The following DCLK2 variants were observed in gnomAD, a reference collection of about 807,000 sequenced individuals.
DCLK2 encodes doublecortin like kinase 2, also known as serine/threonine-protein kinase DCLK2.
In DCLK2, 31 loss-of-function variants were observed where a neutral mutation model predicts 78.4. The observed-to-expected ratio is 0.40, with a 90% CI of 0.30 to 0.53. The LOEUF (loss-of-function observed/expected upper bound fraction) is 0.53, where lower values mean the gene tolerates loss of function less well. DCLK2 is among the 20% of genes least tolerant of loss of function. The probability of loss-of-function intolerance (pLI) is 0.61; values close to 1 mark genes in which losing one functional copy is unlikely to be tolerated. For missense variants in DCLK2, 872 were observed against 973.7 expected, an observed-to-expected ratio of 0.90 and a Z score of 1.39; for synonymous variants, 407 against 374.9, an observed-to-expected ratio of 1.09 and a Z score of -0.99.
Position 150,206,888 on chromosome 4 carries a change from G to T in DCLK2, c.1056+2999G>T, listed in dbSNP as rs558620780. On this transcript the variant is annotated intron_variant, in intron 5 of 15. Transcript: ENST00000296550. ...GATGAAAACCTTCTTTTTAAATAAT[G>T]CAATTTAGTCAGGTTACTTTACTGT... Among the ~76,000 whole-genome samples the T allele has an allele frequency of 3.9e-5, 6 of 152,124 alleles. No homozygotes were observed. The South Asian group carries it at 1.0e-3, about 26-fold the overall frequency.
chr4:150,256,399 G>A lies in DCLK2; in HGVS notation c.*152G>A, dbSNP rs1301524534. The A allele has an allele frequency of 1.8e-6, 2 of 1,084,318 alleles. No homozygotes were observed. The highest frequency in any genetic ancestry group is 2.5e-6 in the Non-Finnish European group (2 of 786,118). 67.2% of individuals were successfully genotyped at this position (1,084,318 alleles called of 1,614,324 possible). A position where few individuals can be genotyped will look rare whatever the true frequency, so the allele number is the denominator to read the frequency against. On this transcript the variant is annotated 3_prime_UTR_variant, in exon 16 of 16. Coordinates refer to ENST00000296550, the MANE Select transcript of DCLK2 (RefSeq NM_001040260.4). ...GCAGGCCGCCTGGGAACCGGAGCCT[G>A]GCGTGCCGGAGCCTGGCCTGGTGCT...
At chr4:150,169,818 T>C (rs1736380461) in intron 2 of DCLK2, among the ~76,000 whole-genome samples, 1 of 152,214 alleles carries the variant, frequency 6.6e-6, no homozygotes, top group Non-Finnish European at 1.5e-5. Context: ...TGGCCTGTGA[T>C]TGACAGACAG....
intron 2 of DCLK2, among the ~76,000 whole-genome samples, chr4:150,168,571 C>T (rs1369220418): frequency 1.3e-5 from 2 of 152,238 alleles, no homozygotes; most frequent in South Asian, 2.1e-4. Context: ...TTGCTGCAGA[C>T]GCATGTGGAT....
At chr4:150,154,088 C>T (rs954215290) in intron 2 of DCLK2, among the ~76,000 whole-genome samples, 4 of 152,134 alleles carry the variant, frequency 2.6e-5, no homozygotes, top group South Asian at 2.1e-4. Flanking sequence ...GATGGTTCCC[C>T]GATGAAAAAG....
rs113299814 is a variant in DCLK2, at chr4:150,249,666, C to T, written c.2055C>T (p.Thr685=). Residue 685 remains threonine, a synonymous_variant, in exon 15 of 16, where the codon ACC becomes ACT. Coordinates refer to ENST00000296550, the MANE Select transcript of DCLK2 (RefSeq NM_001040260.4). ...TCCCCAAACAGAACAGCACTACCAC[C>T]GGGGTCTCCGTCATCATGGTGAGTG... ...NALPKQNSTT[T]GVSVIMNTAL... The T allele has an allele frequency of 1.5e-4, 237 of 1,613,382 alleles. No homozygotes were observed. Among genetic ancestry groups the T allele is most frequent in the Non-Finnish European group, 1.9e-4 (222 of 1,179,882 alleles).
rs1580622624 is a variant in DCLK2 at position 150,161,334 on chromosome 4, A to G, written c.757-31804A>G. Among the ~76,000 whole-genome samples, 8 of 152,312 alleles carry G rather than the reference A, an allele frequency of 5.3e-5. 2 individuals carry two copies. Among genetic ancestry groups the G allele is most frequent in the Admixed American group, 6.5e-5 (1 of 15,298 alleles). ...TTAGAAAAATAAATGGATACTGGTG[A>G]ATCAGACACCTGCAGAGCTACTTGA... On this transcript the variant is annotated intron_variant, in intron 2 of 15. Transcript: ENST00000296550.
rs1553967944 is a variant in DCLK2 at position 150,198,917 on chromosome 4, C to CT, written c.961+814_961+815insT. On this transcript the variant is annotated intron_variant, in intron 4 of 15. Coordinates refer to ENST00000296550, the MANE Select transcript of DCLK2 (RefSeq NM_001040260.4). ...GCCCTTTCCCCTTTCAGCACCCCCC[C>CT]CCCCACTTTCTGTAGGGCAGGTCGT... is the stretch of plus-strand genomic sequence containing the variant. The CT allele has an allele frequency of 2.4e-5, 14 of 592,296 alleles. 3 individuals are homozygous for CT. The highest frequency in any genetic ancestry group is 3.7e-5 in the Non-Finnish European group (13 of 347,730). 36.7% of individuals were successfully genotyped at this position (592,296 alleles called of 1,614,324 possible). A position where few individuals can be genotyped will look rare whatever the true frequency, so the allele number is the denominator to read the frequency against.
chr4:150,232,403 G>T lies in DCLK2; in HGVS notation c.1366G>T (p.Val456Phe). The T allele has an allele frequency of 1.2e-6, 2 of 1,614,130 alleles. No individual in the cohort carries two copies. The highest frequency in any genetic ancestry group is 1.3e-5 in the African/African-American group (1 of 75,056). ...RVKHPNIIML[V>F]EEMETATELF... ...GAAACATCCCAATATCATTATGCTG[G>T]TCGAGGAGATGGAAACAGCAACTGA... The change falls in exon 9 of 16, where the codon GTC becomes TTC. Residue 456 changes from valine to phenylalanine, a missense_variant. Physicochemically the swap from Val to Phe is conservative, Grantham distance 50 (BLOSUM62 -1). Around this residue, in one of 3 missense-constraint regions of DCLK2, gnomAD observed 567 missense variants for 593.4 expected, o/e 0.96. Coordinates refer to ENST00000296550, the MANE Select transcript of DCLK2 (RefSeq NM_001040260.4).
intron 2 of DCLK2, among the ~76,000 whole-genome samples, chr4:150,136,886 G>C (rs192383722): frequency 4.0e-5 from 6 of 151,584 alleles, no homozygotes; most frequent in African/African-American, 1.2e-4. Flanking sequence ...TGCTGGTGTT[G>C]TGAAGTTGTG....
chr4:150,132,492 G>T (rs1733387337), intron 2 of DCLK2, among the ~76,000 whole-genome samples: 1 of 152,202 alleles, frequency 6.6e-6, no homozygotes, highest in Non-Finnish European at 1.5e-5. Context: ...CACTATTCAT[G>T]GTAGTTGTGT....
chr4:150,105,072 A>G (rs570988700), intron 2 of DCLK2, among the ~76,000 whole-genome samples: 4 of 152,308 alleles, frequency 2.6e-5, no homozygotes, highest in African/African-American at 9.6e-5. Context: ...GCTACCAGAT[A>G]CTAAATCATC....
chr4:150,091,767 T>TTGTG lies in DCLK2; in HGVS notation c.422-10710_422-10709insGTGT, dbSNP rs777556852. 9.6e-3 allele frequency among the ~76,000 whole-genome samples: 1,285 copies of TTGTG among 133,712 alleles called. 17 individuals carry two copies. Among genetic ancestry groups the TTGTG allele is most frequent in the African/African-American group, 0.033 (1,175 of 35,596 alleles). The allele number at this position is 133,712 out of a possible 152,430, so 87.7% of individuals were successfully genotyped here. ...TAGTTCTTTGTCCTAAAAGGAACAT[T>TTGTG]TATGTGTGTGTGTGTGTGTGTGTGT... On this transcript the variant is annotated intron_variant, in intron 1 of 15. Coordinates refer to ENST00000296550, the MANE Select transcript of DCLK2 (RefSeq NM_001040260.4).
chr4:150,187,918 A>G (rs1412615747), intron 2 of DCLK2, among the ~76,000 whole-genome samples: 1 of 150,186 alleles, frequency 6.7e-6, no homozygotes, highest in Non-Finnish European at 1.5e-5. Flanking sequence ...CCCCTGCTTC[A>G]GCCTCCCGAG....
chr4:150,110,134 A>G (rs1487827303), intron 2 of DCLK2, among the ~76,000 whole-genome samples: 1 of 152,188 alleles, frequency 6.6e-6, no homozygotes. Flanking sequence ...TAGGAGAAAC[A>G]ATTTTAGCTT....
intron 5 of DCLK2, among the ~76,000 whole-genome samples, chr4:150,204,759 G>A (rs1404604946): frequency 6.6e-6 from 1 of 152,040 alleles, no homozygotes; most frequent in African/African-American, 2.4e-5. Context: ...GGGCCTGGTG[G>A]TACAAACCTG....
intron 2 of DCLK2, among the ~76,000 whole-genome samples, chr4:150,108,745 C>T (rs1731448592): frequency 6.6e-6 from 1 of 151,408 alleles, no homozygotes; most frequent in African/African-American, 2.4e-5. Flanking sequence ...AGCTTTTGTC[C>T]ACATGTGTAA....
intron 1 of DCLK2, among the ~76,000 whole-genome samples, chr4:150,095,719 T>G (rs1730410860): frequency 6.6e-6 from 1 of 152,218 alleles, no homozygotes; most frequent in African/African-American, 2.4e-5. Flanking sequence ...AATCAGTTTT[T>G]CCTAAGTGAT....
chr4:150,175,676 A>G (rs1358013978), intron 2 of DCLK2: 1 of 152,168 alleles, frequency 6.6e-6, no homozygotes, highest in South Asian at 2.1e-4. Context: ...TGACGGTTTC[A>G]TATTTAGTCT....
chr4:150,092,549 T>C (rs1474923238), intron 1 of DCLK2, among the ~76,000 whole-genome samples: 1 of 152,216 alleles, frequency 6.6e-6, no homozygotes, highest in Non-Finnish European at 1.5e-5. Flanking sequence ...ATGATAATTA[T>C]TGATGTTGAG....
Sources: gnomAD v4.1 joint callset for allele counts (sites outside exome capture counted in the v4.1 genomes callset) on GRCh38, gnomAD v4.1.1 for gene constraint, gnomAD v4.1.1 regional missense constraint, MANE v1.5 for transcripts, NCBI Gene and HGNC (gene_info 2026-07-23, HGNC 2026-07-21) for gene names.